STK31: variants seen among roughly 807,000 people sequenced by gnomAD.
STK31 encodes the protein serine/threonine kinase 31, also known as serine/threonine-protein kinase 31.
Under a neutral mutation model 129.7 loss-of-function variants are expected in STK31, and 89 were observed. The observed-to-expected ratio is 0.69, with a 90% CI of 0.58 to 0.82. The LOEUF is 0.82. STK31 is among the 40% of genes least tolerant of loss of function. STK31 has a pLI of 0.00. For missense variants in STK31, 1,187 were observed against 1,176.4 expected, an observed-to-expected ratio of 1.01 and a Z score of -0.13; for synonymous variants, 448 against 395.3, an observed-to-expected ratio of 1.13 and a Z score of -1.58.
At chr7:23,734,378 A>T (rs139039600) in intron 6 of STK31, among the ~76,000 whole-genome samples, 254 of 152,320 alleles carry the variant, frequency 1.7e-3, no homozygotes, top group African/African-American at 5.7e-3. Flanking sequence ...CTTACTTTTA[A>T]TTTCCTTTAT....
In STK31 at chr7:23,732,813, A is replaced by G. The variant is rs561724771; in HGVS notation, c.484-2725A>G. Among the ~76,000 whole-genome samples the G allele has an allele frequency of 5.9e-5, 9 of 152,282 alleles. No homozygotes were observed. In the East Asian group the frequency reaches 1.7e-3, roughly 29 times the overall value. Reference sequence around the variant, plus strand: ...TCCACATATACCAGCAATAATTTTCAAAGACTTCCTAGGGGCAGAAGTTGT... The same window carrying G: ...TCCACATATACCAGCAATAATTTTCGAAGACTTCCTAGGGGCAGAAGTTGT... On this transcript the variant is annotated intron_variant, in intron 6 of 23. Coordinates refer to ENST00000355870, the MANE Select transcript of STK31 (RefSeq NM_031414.5).
chr7:23,736,841 A>AT (rs1787747213), intron 7 of STK31, 63 bp from the exon 8 acceptor site: 1 of 1,343,842 alleles, frequency 7.4e-7, no homozygotes, highest in African/African-American at 1.5e-5. Context: ...GATAACTTAG[A>AT]TTTGTTTTCT....
In STK31 at chr7:23,770,998, C is replaced by A; in HGVS notation, c.1714-7C>A. ...GTGTATAATTCTATGTGTGTGATTT[C>A]ATTTAGGATCAAGGTGATGCAGACA... On this transcript the variant is annotated splice_region_variant and splice_polypyrimidine_tract_variant and intron_variant, in intron 13 of 23. Coordinates refer to ENST00000355870, the MANE Select transcript of STK31 (RefSeq NM_031414.5). 6.2e-7 allele frequency: 1 copy of A among 1,605,556 alleles called. No homozygotes were observed. Among genetic ancestry groups the A allele is most frequent in the Admixed American group, 1.7e-5 (1 of 58,522 alleles).
intron 6 of STK31, among the ~76,000 whole-genome samples, chr7:23,735,262 T>TA (rs1562558416): frequency 6.6e-6 from 1 of 152,038 alleles, no homozygotes; most frequent in South Asian, 2.1e-4. Context: ...TCTGCTGGGT[T>TA]AAAAAAAACT....
At chr7:23,792,332 T>C (rs903616675) in intron 22 of STK31, among the ~76,000 whole-genome samples, 4 of 152,140 alleles carry the variant, frequency 2.6e-5, no homozygotes, top group Non-Finnish European at 1.5e-5. Context: ...AAGCAACAAA[T>C]AATAGGAAAT....
In STK31 at chr7:23,773,938, C is replaced by A. The variant is rs192204986; in HGVS notation, c.1965+1660C>A. 2.6e-5 allele frequency among the ~76,000 whole-genome samples: 4 copies of A among 151,272 alleles called. No homozygotes were observed. The South Asian group carries it at 6.3e-4, about 24-fold the overall frequency. ...TGCTGTCTCTCTCCCTGCCACCCCC[C>A]ACCCCACAACAGACCCCGGGGTGTG... On this transcript the variant is annotated intron_variant, in intron 15 of 23. Transcript: ENST00000355870.
chr7:23,818,688 G>A lies in STK31; in HGVS notation c.2829+3476G>A, dbSNP rs570037635. ...GTCCCAGGTTGGAGTGCAGTGGCAC[G>A]ATCTCAGCTCACTGCAGCCTCTGCC... On this transcript the variant is annotated intron_variant, in intron 23 of 23. Transcript: ENST00000355870. Among the ~76,000 whole-genome samples the A allele has an allele frequency of 1.8e-4, 27 of 152,078 alleles. 2 individuals carry two copies. The highest frequency in any genetic ancestry group is 6.0e-4 in the African/African-American group (25 of 41,482).
Position 23,786,928 on chromosome 7 carries a change from A to T in STK31, c.2487+4A>T. 6.2e-7 allele frequency: 1 copy of T among 1,612,088 alleles called. No individual in the cohort carries two copies. Among genetic ancestry groups the T allele is most frequent in the South Asian group, 1.1e-5 (1 of 90,894 alleles). On this transcript the variant is annotated splice_donor_region_variant and intron_variant, in intron 20 of 23. Transcript: ENST00000355870. ...CAACATGCCTTTAAATTCAGAAGTAAGTAAAAAGCACTATTTATTTCCATG... is the reference window on the plus strand; with the variant it reads ...CAACATGCCTTTAAATTCAGAAGTATGTAAAAAGCACTATTTATTTCCATG...
intron 8 of STK31, among the ~76,000 whole-genome samples, chr7:23,750,342 C>G (rs1788639145): frequency 5.9e-5 from 9 of 152,070 alleles, no homozygotes; most frequent in Admixed American, 5.2e-4. Context: ...CCCTGTCTGT[C>G]TGTTTAATTT....
chr7:23,806,910 A>AG (rs1792748107), intron 22 of STK31, among the ~76,000 whole-genome samples: 5 of 150,050 alleles, frequency 3.3e-5, no homozygotes, highest in Non-Finnish European at 1.5e-5. Flanking sequence ...AGAAAAAAAA[A>AG]AAAAAAAAAA....
At chr7:23,825,501 T>G (rs1584507907) in intron 23 of STK31, among the ~76,000 whole-genome samples, 1 of 152,236 alleles carries the variant, frequency 6.6e-6, no homozygotes, top group Non-Finnish European at 1.5e-5. Flanking sequence ...TCTTCTTTAT[T>G]AGTCTTGCTA....
At chr7:23,782,317 C>G in intron 16 of STK31, among the ~76,000 whole-genome samples, 1 of 146,452 alleles carries the variant, frequency 6.8e-6, no homozygotes, top group East Asian at 2.1e-4. Context: ...ACAAAAAATA[C>G]AACAATTAGC....
chr7:23,744,738 A>G (rs754078255), intron 8 of STK31, among the ~76,000 whole-genome samples: 13 of 152,108 alleles, frequency 8.5e-5, no homozygotes, highest in Non-Finnish European at 1.3e-4. Context: ...TGATTTCCTC[A>G]ATGGCTTAGG....
At chr7:23,783,807 C>T in intron 17 of STK31, 144 bp downstream of exon 17, 1 of 587,094 alleles carries the variant, frequency 1.7e-6, no homozygotes, top group Non-Finnish European at 2.8e-6. Context: ...AGAACTTTTT[C>T]TTATGACCCT....
intron 23 of STK31, among the ~76,000 whole-genome samples, chr7:23,820,774 A>G (rs1793745224): frequency 6.6e-6 from 1 of 152,192 alleles, no homozygotes; most frequent in South Asian, 2.1e-4. Context: ...AACATTTGAT[A>G]TTTGTCTTTC....
chr7:23,785,330 C>T (rs1791203193), intron 17 of STK31, 148 bp from the exon 18 acceptor site: 1 of 1,081,904 alleles, frequency 9.2e-7, no homozygotes, highest in African/African-American at 1.6e-5. Flanking sequence ...GGAGAAAGTA[C>T]ACAGTTTTAA....
At chr7:23,805,169 A>G (rs760111764) in intron 22 of STK31, among the ~76,000 whole-genome samples, 6 of 150,906 alleles carry the variant, frequency 4.0e-5, no homozygotes, top group Admixed American at 2.0e-4. Context: ...TCTGCCTCCT[A>G]GGTTCAAGCG....
At chr7:23,785,934 G>T (rs1007120625) in intron 18 of STK31, among the ~76,000 whole-genome samples, 1 of 151,984 alleles carries the variant, frequency 6.6e-6, no homozygotes, top group African/African-American at 2.4e-5. Context: ...CATGGCACAT[G>T]TATACATATG....
At chr7:23,773,960 T>C (rs1247338959) in intron 15 of STK31, among the ~76,000 whole-genome samples, 1 of 144,978 alleles carries the variant, frequency 6.9e-6, no homozygotes, top group African/African-American at 2.6e-5. Context: ...GACCCCGGGG[T>C]GTGATGGTCC....
Sources: gnomAD v4.1 joint callset for allele counts (sites outside exome capture counted in the v4.1 genomes callset) on GRCh38, gnomAD v4.1.1 for gene constraint, MANE v1.5 for transcripts, NCBI Gene and HGNC (gene_info 2026-07-23, HGNC 2026-07-21) for gene names.